MRPL48: variants seen among roughly 807,000 people sequenced by gnomAD.
The protein encoded by MRPL48 is large ribosomal subunit protein mL48.
In MRPL48, 16 loss-of-function variants were observed where a neutral mutation model predicts 32.9. The ratio of observed to expected loss-of-function variants is 0.49; its 90% CI spans 0.33 to 0.74. The LOEUF (loss-of-function observed/expected upper bound fraction) is 0.74. MRPL48 is among the 30% of genes least tolerant of loss of function. The probability of loss-of-function intolerance (pLI) is 0.02; values close to 1 mark genes in which losing one functional copy is unlikely to be tolerated. For missense variants in MRPL48, 206 were observed against 245.3 expected (o/e 0.84, Z 1.07); for synonymous variants, 94 against 89.2 (o/e 1.05, Z -0.31).
chr11:73,850,447 A>G (rs1590999545), intron 5 of MRPL48: 1 of 315,044 alleles, frequency 3.2e-6, no homozygotes, highest in Non-Finnish European at 6.1e-6. Flanking sequence ...CTTTAAAAAA[A>G]AAATCTCTCT....
At chr11:73,813,645 A>G (rs1293400839) in intron 3 of MRPL48, among the ~76,000 whole-genome samples, 1 of 152,186 alleles carries the variant, frequency 6.6e-6, no homozygotes, top group Non-Finnish European at 1.5e-5. Context: ...TGTTTTCTCC[A>G]TTAAACAGAA....
intron 4 of MRPL48, among the ~76,000 whole-genome samples, chr11:73,840,150 A>C (rs567016260): frequency 6.6e-6 from 1 of 152,042 alleles, no homozygotes; most frequent in Non-Finnish European, 1.5e-5. Flanking sequence ...TGAAAAAGAG[A>C]AAATAAATAA....
chr11:73,790,978 C>T (rs772856170), intron 1 of MRPL48, among the ~76,000 whole-genome samples: 11 of 150,990 alleles, frequency 7.3e-5, no homozygotes, highest in Non-Finnish European at 1.2e-4. Context: ...CCCGATATCC[C>T]GGGCTCAGGT....
chr11:73,812,732 A>ATG (rs1306927900), intron 3 of MRPL48, among the ~76,000 whole-genome samples: 1 of 138,690 alleles, frequency 7.2e-6, no homozygotes, highest in Non-Finnish European at 1.5e-5. Flanking sequence ...ATATATATAT[A>ATG]TATATATATT....
intron 5 of MRPL48, among the ~76,000 whole-genome samples, chr11:73,849,969 G>A (rs1004478639): frequency 2.0e-5 from 3 of 151,980 alleles, no homozygotes; most frequent in Non-Finnish European, 2.9e-5. Context: ...GCTTGGTGGC[G>A]TGCGCCTGTA....
At chr11:73,863,066 C>T (rs1338969322) in intron 6 of MRPL48, 106 bp from the exon 7 acceptor site, 1 of 950,128 alleles carries the variant, frequency 1.1e-6, no homozygotes, top group Admixed American at 2.2e-5. Flanking sequence ...CACGCTTGGG[C>T]TCTCCAGACT....
intron 1 of MRPL48, among the ~76,000 whole-genome samples, chr11:73,788,770 C>T (rs2134914124): frequency 6.6e-6 from 1 of 152,216 alleles, no homozygotes; most frequent in South Asian, 2.1e-4. Context: ...CCGCGCCCTG[C>T]AATAATTAAC....
intron 1 of MRPL48, among the ~76,000 whole-genome samples, chr11:73,803,342 G>C (rs1311986359): frequency 1.3e-5 from 2 of 151,918 alleles, no homozygotes; most frequent in African/African-American, 4.8e-5. Context: ...TGTTGGCCAG[G>C]CTGGTCTTGA....
At chr11:73,848,660 A>C (rs1326698784) in intron 5 of MRPL48, among the ~76,000 whole-genome samples, 1 of 152,004 alleles carries the variant, frequency 6.6e-6, no homozygotes, top group East Asian at 1.9e-4. Context: ...GATTTGTTGG[A>C]AAACTGTAGG....
Position 73,864,593 on chromosome 11 carries a change from C to T in MRPL48, c.*223C>T, listed in dbSNP as rs945456276. On this transcript the variant is annotated 3_prime_UTR_variant, in exon 8 of 8. Coordinates refer to ENST00000310614, the MANE Select transcript of MRPL48 (RefSeq NM_016055.6). ...TTATCTTCCATCTAATAAAAATCTGCTGCAGATGTGTATATGTATGTGTGT... is the reference window on the plus strand; with the variant it reads ...TTATCTTCCATCTAATAAAAATCTGTTGCAGATGTGTATATGTATGTGTGT... The T allele has an allele frequency of 3.5e-6, 2 of 576,640 alleles. No individual in the cohort carries two copies. Among genetic ancestry groups the T allele is most frequent in the African/African-American group, 3.7e-5 (2 of 53,378 alleles). 35.7% of individuals were successfully genotyped at this position (576,640 alleles called of 1,614,324 possible).
At chr11:73,816,650 G>T (rs1304096103) in intron 3 of MRPL48, among the ~76,000 whole-genome samples, 2 of 151,012 alleles carry the variant, frequency 1.3e-5, no homozygotes, top group Admixed American at 1.3e-4. Flanking sequence ...TTTTAGTAGA[G>T]ACGGGGTTTC....
intron 3 of MRPL48, among the ~76,000 whole-genome samples, chr11:73,818,348 A>G (rs1317533729): frequency 3.3e-5 from 5 of 152,218 alleles, no homozygotes. Flanking sequence ...TAAAGAGACA[A>G]GACGAAGGGA....
intron 1 of MRPL48, among the ~76,000 whole-genome samples, chr11:73,798,340 C>T (rs991989980): frequency 7.2e-5 from 11 of 152,098 alleles, no homozygotes; most frequent in African/African-American, 2.4e-4. Flanking sequence ...GTGATCTGCT[C>T]GCCTCAGCCT....
chr11:73,788,691 C>G (rs1947094856), intron 1 of MRPL48, among the ~76,000 whole-genome samples: 1 of 151,938 alleles, frequency 6.6e-6, no homozygotes, highest in Non-Finnish European at 1.5e-5. Flanking sequence ...CCAGGCTGGT[C>G]TCGAATTCCT....
At position 73,844,940 on chromosome 11, in the gene MRPL48, A is replaced by G. The variant is rs1948262016; in HGVS notation, c.335A>G (p.Asn112Ser). 3 of 1,611,926 alleles carry G rather than the reference A, an allele frequency of 1.9e-6. No homozygotes were observed. The highest frequency in any genetic ancestry group is 2.5e-6 in the Non-Finnish European group (3 of 1,178,776). ...LAESYAQYVHNLCNSLSIKVE... is the reference protein window; with the variant it reads ...LAESYAQYVHSLCNSLSIKVE... ...GAGAGTTATGCCCAGTATGTTCACA[A>G]CCTCTGCAACTCTCTCTCCATTAAA... The change falls in exon 5 of 8, where the codon AAC (asparagine) becomes AGC (serine). Residue 112 changes from asparagine (N) to serine (S), a missense_variant. Transcript: ENST00000310614.
chr11:73,806,367 A>T (rs146609461), intron 2 of MRPL48, among the ~76,000 whole-genome samples: 29 of 152,270 alleles, frequency 1.9e-4, no homozygotes, highest in Non-Finnish European at 3.8e-4. Context: ...GGATCTGTGC[A>T]TATTCTTTCC....
intron 5 of MRPL48, among the ~76,000 whole-genome samples, chr11:73,857,308 T>G (rs2135083220): frequency 6.6e-6 from 1 of 152,110 alleles, no homozygotes; most frequent in Middle Eastern, 3.4e-3. Context: ...TTTTTTGTAT[T>G]TTTAGTAGAG....
At chr11:73,812,717 A>AATATATATATATATATAT (rs370608269) in intron 3 of MRPL48, among the ~76,000 whole-genome samples, 29 of 135,544 alleles carry the variant, frequency 2.1e-4, no homozygotes, top group African/African-American at 6.3e-4. Flanking sequence ...CCCATGTCTA[A>AATATATATATATATATAT]ATATATATAT....
chr11:73,839,381 AT>A (rs200880437), intron 4 of MRPL48, among the ~76,000 whole-genome samples: 2 of 152,224 alleles, frequency 1.3e-5, no homozygotes, highest in African/African-American at 4.8e-5. Flanking sequence ...TCTTAAAAAA[AT>A]AATTCAGCCC....
Sources: gnomAD v4.1 joint callset for allele counts (sites outside exome capture counted in the v4.1 genomes callset) on GRCh38, gnomAD v4.1.1 for gene constraint, MANE v1.5 for transcripts, NCBI Gene and HGNC (gene_info 2026-07-23, HGNC 2026-07-21) for gene names.